SOX5: variants seen among roughly 807,000 people sequenced by gnomAD.
SOX5 encodes SRY-box transcription factor 5.
SOX5 carries 9 observed loss-of-function variants against 92.0 expected under a neutral mutation model. The observed-to-expected ratio is 0.10, with a 90% CI of 0.06 to 0.17. The LOEUF (loss-of-function observed/expected upper bound fraction) is 0.17. SOX5 is among the 10% of genes least tolerant of loss of function. The pLI is 1.00. For synonymous variants in SOX5, 344 were observed against 336.3 expected, an observed-to-expected ratio of 1.02 and a Z score of -0.25; for missense variants, 642 against 944.5, an observed-to-expected ratio of 0.68 and a Z score of 4.20.
At chr12:24,546,142 A>G (rs1952603712) in intron 1 of SOX5, among the ~76,000 whole-genome samples, 1 of 152,162 alleles carries the variant, frequency 6.6e-6, no homozygotes, top group Admixed American at 6.5e-5. Context: ...TAAAGTAGCA[A>G]CACATGTACA....
chr12:24,114,876 C>T (rs565669901), intron 4 of SOX5, among the ~76,000 whole-genome samples: 4 of 151,990 alleles, frequency 2.6e-5, no homozygotes, highest in Non-Finnish European at 5.9e-5. Flanking sequence ...TTCAAGACTG[C>T]AGTAAGCTAT....
chr12:24,418,322 A>G (rs1965369439), intron 1 of SOX5, among the ~76,000 whole-genome samples: 1 of 152,220 alleles, frequency 6.6e-6, no homozygotes, highest in East Asian at 1.9e-4. Context: ...TAAGGCAACC[A>G]TGGTAATCCC....
At chr12:23,765,099 C>G (rs139120595) in intron 3 of SOX5, among the ~76,000 whole-genome samples, 2 of 151,976 alleles carry the variant, frequency 1.3e-5, no homozygotes, top group Admixed American at 6.6e-5. Context: ...AAAAAACCCT[C>G]TGATTTGCTT....
chr12:24,413,561 G>T (rs1208636825), intron 1 of SOX5, among the ~76,000 whole-genome samples: 2 of 152,192 alleles, frequency 1.3e-5, no homozygotes, highest in African/African-American at 4.8e-5. Flanking sequence ...TCAACAGTCT[G>T]CTTTGAAATG....
chr12:23,956,266 T>C (rs1483783487), intron 4 of SOX5, among the ~76,000 whole-genome samples: 2 of 143,176 alleles, frequency 1.4e-5, no homozygotes, highest in African/African-American at 2.5e-5. Flanking sequence ...GAAGAAATTA[T>C]GGCTAAGCTG....
At chr12:24,002,580 A>G (rs970780999) in intron 4 of SOX5, among the ~76,000 whole-genome samples, 3 of 131,700 alleles carry the variant, frequency 2.3e-5, no homozygotes, top group African/African-American at 9.5e-5. Context: ...TAATTTTCTT[A>G]CACATTATAA....
intron 3 of SOX5, among the ~76,000 whole-genome samples, chr12:23,813,033 A>C (rs969717226): frequency 1.3e-5 from 2 of 152,202 alleles, no homozygotes; most frequent in Non-Finnish European, 2.9e-5. Context: ...ACACATTTTC[A>C]GAAAATCTAA....
At chr12:24,337,142 G>A (rs1477769448) in intron 2 of SOX5, among the ~76,000 whole-genome samples, 1 of 152,020 alleles carries the variant, frequency 6.6e-6, no homozygotes, top group Non-Finnish European at 1.5e-5. Context: ...ATGTATTCTT[G>A]GAAAAATCAG....
intron 4 of SOX5, among the ~76,000 whole-genome samples, chr12:24,189,028 C>A (rs1176486587): frequency 2.0e-5 from 3 of 152,174 alleles, no homozygotes; most frequent in Admixed American, 6.6e-5. Flanking sequence ...GGACTGAAAT[C>A]CTAAACTGAA....
At chr12:23,582,962 A>G (rs556668569) in intron 9 of SOX5, among the ~76,000 whole-genome samples, 1 of 152,206 alleles carries the variant, frequency 6.6e-6, no homozygotes, top group South Asian at 2.1e-4. Context: ...TAGTATCTTA[A>G]TATTTTCCTT....
chr12:23,982,102 GGCAC>G (rs1949626571), intron 4 of SOX5, among the ~76,000 whole-genome samples: 1 of 152,142 alleles, frequency 6.6e-6, no homozygotes, highest in South Asian at 2.1e-4. Context: ...GAAGGAATTG[GGCAC>G]GAACGAACAT....
In SOX5 at chr12:23,674,954, T is replaced by G. The variant is rs554928961; in HGVS notation, c.811-9390A>C. Among the ~76,000 whole-genome samples, 319 of 152,230 alleles carry G rather than the reference T, an allele frequency of 2.1e-3. 1 individual carries two copies. Among genetic ancestry groups the G allele is most frequent in the African/African-American group, 6.8e-3 (284 of 41,562 alleles). ...GTAATTGCCATTTGGTGTTAATTTC[T>G]TAATACACCCTATCCTGAAGATCTT... On this transcript the variant is annotated intron_variant, in intron 6 of 14. Transcript: ENST00000451604.
chr12:23,855,536 A>C (rs982069642), intron 2 of SOX5, among the ~76,000 whole-genome samples: 3 of 152,122 alleles, frequency 2.0e-5, no homozygotes, highest in Admixed American at 2.0e-4. Context: ...ATTACTTTTT[A>C]TGTCATGTTT....
intron 1 of SOX5, among the ~76,000 whole-genome samples, chr12:24,545,006 AT>A (rs927845725): frequency 3.3e-5 from 5 of 152,162 alleles, no homozygotes; most frequent in African/African-American, 1.2e-4. Context: ...AGAGTAATAT[AT>A]TTTTTATTGA....
intron 3 of SOX5, among the ~76,000 whole-genome samples, chr12:24,269,399 G>C (rs1453045223): frequency 2.6e-5 from 4 of 152,072 alleles, no homozygotes; most frequent in Non-Finnish European, 5.9e-5. Context: ...GACACCAATG[G>C]TATAACTAAT....
chr12:24,197,300 G>A (rs1439846227), intron 4 of SOX5, among the ~76,000 whole-genome samples: 1 of 152,114 alleles, frequency 6.6e-6, no homozygotes, highest in Non-Finnish European at 1.5e-5. Context: ...TGCCCTTCCA[G>A]TCAAGAGATA....
At chr12:23,831,104 A>C (rs532300612) in intron 3 of SOX5, among the ~76,000 whole-genome samples, 1 of 152,272 alleles carries the variant, frequency 6.6e-6, no homozygotes, top group East Asian at 1.9e-4. Context: ...ATCTATTTAG[A>C]GGATCTAATG....
intron 3 of SOX5, among the ~76,000 whole-genome samples, chr12:23,771,260 A>G (rs989424562): frequency 8.6e-5 from 13 of 151,996 alleles, no homozygotes; most frequent in Non-Finnish European, 1.9e-4. Context: ...AAGCTACAGT[A>G]AGCCCCTTTT....
chr12:24,123,313 C>A (rs1948803445), intron 4 of SOX5, among the ~76,000 whole-genome samples: 1 of 152,210 alleles, frequency 6.6e-6, no homozygotes, highest in Non-Finnish European at 1.5e-5. Flanking sequence ...TAATACTACA[C>A]AATGTGCCAT....
Sources: gnomAD v4.1 joint callset for allele counts (sites outside exome capture counted in the v4.1 genomes callset) on GRCh38, gnomAD v4.1.1 for gene constraint, MANE v1.5 for transcripts, NCBI Gene and HGNC (gene_info 2026-07-23, HGNC 2026-07-21) for gene names.